The following COL5A2 variants were observed in gnomAD, a reference collection of about 807,000 sequenced individuals.
COL5A2 encodes the protein collagen alpha-2(V) chain.
Under a neutral mutation model 208.2 loss-of-function variants are expected in COL5A2, and 23 were observed. That is an observed-to-expected ratio of 0.11 (90% confidence interval 0.08 to 0.16). The LOEUF is 0.16. COL5A2 is among the 10% of genes least tolerant of loss of function. The pLI is 1.00. For synonymous variants in COL5A2, 625 were observed against 628.5 expected, an observed-to-expected ratio of 0.99 and a Z score of 0.08; for missense variants, 1,590 against 1,956.4, an observed-to-expected ratio of 0.81 and a Z score of 3.53.
chr2:189,061,551 T>C lies in COL5A2; in HGVS notation c.2031+11A>G. 1 of 1,604,602 alleles carries C rather than the reference T, an allele frequency of 6.2e-7. No individual in the cohort carries two copies. Among genetic ancestry groups the C allele is most frequent in the Non-Finnish European group, 8.5e-7 (1 of 1,171,804 alleles). On this transcript the variant is annotated intron_variant, in intron 30 of 53. Coordinates refer to ENST00000374866, the MANE Select transcript of COL5A2 (RefSeq NM_000393.5). ...ATGGAAGATGAAATGGAAAACCGAATTAGTGCATACCTGAAAACCTGTGGG... is the reference window on the plus strand; with the variant it reads ...ATGGAAGATGAAATGGAAAACCGAACTAGTGCATACCTGAAAACCTGTGGG...
At chr2:189,434,318 A>G in the COL5A2 span, among the ~76,000 whole-genome samples, 1 of 152,198 alleles carries the variant, frequency 6.6e-6, no homozygotes, top group Non-Finnish European at 1.5e-5. Flanking sequence ...TAGTGTTGGA[A>G]GTTCTGGCCA....
chr2:189,078,083 GC>G (rs1333006061), intron 16 of COL5A2, among the ~76,000 whole-genome samples: 1 of 152,124 alleles, frequency 6.6e-6, no homozygotes, highest in African/African-American at 2.4e-5. Context: ...TTCAAAGAGT[GC>G]ACTCAGAGTA....
At chr2:189,083,756 C>CATA (rs1686590206) in intron 12 of COL5A2, among the ~76,000 whole-genome samples, 5 of 151,920 alleles carry the variant, frequency 3.3e-5, no homozygotes, top group African/African-American at 4.8e-5. Flanking sequence ...GTTCAATATA[C>CATA]TTCTCTAGCT....
the COL5A2 span, among the ~76,000 whole-genome samples, chr2:189,288,650 C>T: frequency 0.039 from 5,895 of 152,152 alleles, 128 homozygotes; most frequent in Admixed American, 0.052. Flanking sequence ...AGAACAAATA[C>T]CTATCCTTCT....
the COL5A2 span, among the ~76,000 whole-genome samples, chr2:189,362,649 C>T: frequency 9.2e-5 from 14 of 152,024 alleles, no homozygotes; most frequent in Non-Finnish European, 1.6e-4. Flanking sequence ...TAGTTAACTA[C>T]CAAATGTGAA....
At chr2:189,073,281 C>T (rs1325846199) in intron 17 of COL5A2, among the ~76,000 whole-genome samples, 4 of 151,986 alleles carry the variant, frequency 2.6e-5, no homozygotes, top group Admixed American at 6.6e-5. Flanking sequence ...TTTCCTGTTG[C>T]AGCAAAATAA....
the COL5A2 span, among the ~76,000 whole-genome samples, chr2:189,243,308 T>G: frequency 4.1e-4 from 63 of 152,160 alleles, no homozygotes; most frequent in Non-Finnish European, 1.0e-4. Flanking sequence ...CTATGGAATT[T>G]GTATTAGTTC....
intron 24 of COL5A2, 95 bp from the exon 25 acceptor site, chr2:189,064,750 A>C: frequency 1.0e-6 from 1 of 959,556 alleles, no homozygotes; most frequent in Admixed American, 1.8e-5. Context: ...CAAGGCACTA[A>C]TATAACATAC....
upstream of COL5A2, chr2:189,179,832 T>C: frequency 1.5e-6 from 1 of 656,988 alleles, no homozygotes; most frequent in Non-Finnish European, 2.6e-6. Flanking sequence ...CTGCCCCTTT[T>C]CAGCTTGTTC....
At chr2:189,075,335 A>G (rs573070873) in intron 17 of COL5A2, 58 bp downstream of exon 17, 2 of 1,274,008 alleles carry the variant, frequency 1.6e-6, no homozygotes, top group South Asian at 2.4e-5. Flanking sequence ...TTTTGAATGT[A>G]CAAATGGAAG....
At chr2:189,153,818 G>C (rs1688192634) in intron 1 of COL5A2, among the ~76,000 whole-genome samples, 1 of 151,990 alleles carries the variant, frequency 6.6e-6, no homozygotes, top group Non-Finnish European at 1.5e-5. Context: ...ACACGTTTCA[G>C]TTTTCTGTAG....
intron 52 of COL5A2, among the ~76,000 whole-genome samples, chr2:189,035,519 C>T (rs1219073216): frequency 6.6e-6 from 1 of 151,442 alleles, no homozygotes; most frequent in South Asian, 2.1e-4. Context: ...ATCTTTTGAC[C>T]CCAACTATTA....
At chr2:189,262,374 C>A in the COL5A2 span, among the ~76,000 whole-genome samples, 1 of 151,238 alleles carries the variant, frequency 6.6e-6, no homozygotes, top group East Asian at 1.9e-4. Flanking sequence ...CATACATGCA[C>A]ACACACACAC....
the COL5A2 span, among the ~76,000 whole-genome samples, chr2:189,245,235 C>G: frequency 1.3e-5 from 2 of 151,782 alleles, no homozygotes; most frequent in East Asian, 3.9e-4. Context: ...GCTTTTTTTT[C>G]TATTTGAATA....
intron 1 of COL5A2, among the ~76,000 whole-genome samples, chr2:189,205,229 G>A (rs1287352070): frequency 6.6e-6 from 1 of 152,178 alleles, no homozygotes; most frequent in Non-Finnish European, 1.5e-5. Flanking sequence ...TCTTTAAAGA[G>A]GCCAAAATAT....
At chr2:189,343,926 C>T in the COL5A2 span, among the ~76,000 whole-genome samples, 4 of 152,142 alleles carry the variant, frequency 2.6e-5, no homozygotes, top group African/African-American at 9.7e-5. Context: ...CTGACAACTC[C>T]AAAGACATTT....
the COL5A2 span, chr2:189,311,651 T>C: frequency 5.2e-6 from 4 of 775,168 alleles, no homozygotes; most frequent in Non-Finnish European, 9.0e-6. Context: ...CTGGACTGTA[T>C]GTCTCAGCTC....
At chr2:189,194,863 T>G (rs1688977652) in intron 1 of COL5A2, among the ~76,000 whole-genome samples, 1 of 152,178 alleles carries the variant, frequency 6.6e-6, no homozygotes, top group African/African-American at 2.4e-5. Context: ...GATCATGTGG[T>G]TTTTGTCATT....
chr2:189,039,165 C>T (rs1685504896), intron 51 of COL5A2, 107 bp downstream of exon 51: 2 of 1,358,484 alleles, frequency 1.5e-6, no homozygotes, highest in South Asian at 2.3e-5. Flanking sequence ...CTATTTTTAT[C>T]TCAAATCTAT....
Sources: gnomAD v4.1 joint callset for allele counts (sites outside exome capture counted in the v4.1 genomes callset) on GRCh38, gnomAD v4.1.1 for gene constraint, MANE v1.5 for transcripts, NCBI Gene and HGNC (gene_info 2026-07-23, HGNC 2026-07-21) for gene names.